KCNAB1: variants seen among roughly 807,000 people sequenced by gnomAD.
KCNAB1 encodes potassium voltage-gated channel subfamily A regulatory beta subunit 1, also known as voltage-gated potassium channel subunit beta-1.
A neutral mutation model predicts 64.6 loss-of-function variants in KCNAB1; 35 were observed. The ratio of observed to expected loss-of-function variants is 0.54; its 90% CI spans 0.41 to 0.72. KCNAB1 has a LOEUF of 0.72. Among genes scored for constraint, KCNAB1 ranks in the 30% least tolerant of loss-of-function variants. The pLI, the probability that KCNAB1 is intolerant of heterozygous loss-of-function variation, is 0.00. For missense variants in KCNAB1, 401 were observed against 512.9 expected (o/e 0.78, Z 2.11); for synonymous variants, 177 against 183.8 (o/e 0.96, Z 0.30).
intron 1 of KCNAB1, among the ~76,000 whole-genome samples, chr3:156,268,356 G>A (rs1408661154): frequency 6.6e-6 from 1 of 152,108 alleles, no homozygotes; most frequent in African/African-American, 2.4e-5. Flanking sequence ...TCTCTTAAAT[G>A]TACTGATTTC....
intron 1 of KCNAB1, chr3:156,291,344 C>T (rs1026976893): frequency 1.0e-6 from 1 of 992,690 alleles, no homozygotes; most frequent in Non-Finnish European, 1.2e-6. Context: ...GGATGGAGAC[C>T]ACCAGTCCGA....
At chr3:156,293,274 A>G (rs940652347) in intron 1 of KCNAB1, among the ~76,000 whole-genome samples, 12 of 152,348 alleles carry the variant, frequency 7.9e-5, no homozygotes, top group Non-Finnish European at 1.6e-4. Context: ...TGTAGAGGAG[A>G]GAAGCTACCA....
chr3:156,488,295 T>TAAA (rs63550661), intron 8 of KCNAB1, among the ~76,000 whole-genome samples: 1 of 140,856 alleles, frequency 7.1e-6, no homozygotes, highest in African/African-American at 2.5e-5. Context: ...ATGGGTGCTA[T>TAAA]AAAAAAAAAA....
chr3:156,136,251 TAGTTACATCAAATA>T (rs768945788), intron 1 of KCNAB1, among the ~76,000 whole-genome samples: 1 of 152,246 alleles, frequency 6.6e-6, no homozygotes, highest in Non-Finnish European at 1.5e-5. Flanking sequence ...TATTCTGTAC[TAGTTACATCAAATA>T]CAATATTTCT....
At chr3:156,407,174 C>T (rs1714304940) in intron 1 of KCNAB1, among the ~76,000 whole-genome samples, 1 of 152,296 alleles carries the variant, frequency 6.6e-6, no homozygotes, top group South Asian at 2.1e-4. Context: ...TCATCTGGTC[C>T]TGCTCTCTCC....
intron 1 of KCNAB1, among the ~76,000 whole-genome samples, chr3:156,394,603 A>AT (rs1235483390): frequency 6.6e-6 from 1 of 150,488 alleles, no homozygotes; most frequent in Non-Finnish European, 1.5e-5. Context: ...GAAAAAAAAA[A>AT]GAATGTTTGA....
At chr3:156,155,635 G>A (rs1715670798) in intron 1 of KCNAB1, among the ~76,000 whole-genome samples, 1 of 152,154 alleles carries the variant, frequency 6.6e-6, no homozygotes, top group South Asian at 2.1e-4. Flanking sequence ...GTGAAAGTCT[G>A]TAGAAAGAAA....
At chr3:156,313,382 T>C in intron 1 of KCNAB1, among the ~76,000 whole-genome samples, 1 of 152,152 alleles carries the variant, frequency 6.6e-6, no homozygotes, top group Non-Finnish European at 1.5e-5. Flanking sequence ...GCAGATGGGA[T>C]TAAATTTAGG....
intron 1 of KCNAB1, among the ~76,000 whole-genome samples, chr3:156,220,824 T>G (rs1342511790): frequency 1.3e-5 from 2 of 152,210 alleles, no homozygotes; most frequent in African/African-American, 4.8e-5. Flanking sequence ...TGCCTAGGTT[T>G]TCTTCTAGGG....
intron 1 of KCNAB1, among the ~76,000 whole-genome samples, chr3:156,372,632 A>C (rs1258492619): frequency 6.6e-6 from 1 of 152,224 alleles, no homozygotes; most frequent in African/African-American, 2.4e-5. Context: ...GCAAACACTC[A>C]GTAGGTGTGA....
intron 1 of KCNAB1, among the ~76,000 whole-genome samples, chr3:156,377,884 G>A (rs374619824): frequency 6.6e-6 from 1 of 151,928 alleles, no homozygotes; most frequent in Non-Finnish European, 1.5e-5. Context: ...TATTTTTATG[G>A]GTTGCCTCAA....
Position 156,410,026 on chromosome 3 carries a change from T to G in KCNAB1, c.276-11590T>G, listed in dbSNP as rs141061668. On this transcript the variant is annotated intron_variant, in intron 1 of 13. Coordinates refer to ENST00000490337, the MANE Select transcript of KCNAB1 (RefSeq NM_172160.3). ...AGCTACTGAGTAAGCATGTGCTGGA[T>G]TAGAAAAGAAAACAAACAAAAAACA... Among the ~76,000 whole-genome samples, 630 of 152,282 alleles carry G rather than the reference T, an allele frequency of 4.1e-3. 3 individuals carry two copies. Among genetic ancestry groups the G allele is most frequent in the African/African-American group, 0.014 (599 of 41,544 alleles).
Position 156,391,869 on chromosome 3 carries a change from CATT to C in KCNAB1, c.276-29742_276-29740del, listed in dbSNP as rs577108512. ...GGCACATGGGAGAAAAAGAGATCAT[CATT>C]ATTAACTAGTATTTCAGCCTCTGTA... is the stretch of plus-strand genomic sequence containing the variant. On this transcript the variant is annotated intron_variant, in intron 1 of 13. Coordinates refer to ENST00000490337, the MANE Select transcript of KCNAB1 (RefSeq NM_172160.3). 2.7e-3 allele frequency among the ~76,000 whole-genome samples: 410 copies of C among 152,262 alleles called. 1 individual carries two copies. Among genetic ancestry groups the C allele is most frequent in the African/African-American group, 9.5e-3 (393 of 41,528 alleles).
chr3:156,189,478 T>C (rs1440502023), intron 1 of KCNAB1, among the ~76,000 whole-genome samples: 2 of 152,210 alleles, frequency 1.3e-5, no homozygotes. Flanking sequence ...GTGTGTGCTA[T>C]ATCACATTGC....
At chr3:156,262,392 A>T (rs986933305) in intron 1 of KCNAB1, among the ~76,000 whole-genome samples, 1 of 151,890 alleles carries the variant, frequency 6.6e-6, no homozygotes. Flanking sequence ...GGAAAGTTTT[A>T]TCATGAATAG....
intron 1 of KCNAB1, among the ~76,000 whole-genome samples, chr3:156,394,261 T>C (rs1713261466): frequency 6.6e-6 from 1 of 152,200 alleles, no homozygotes; most frequent in Non-Finnish European, 1.5e-5. Context: ...TCCCCTAGAA[T>C]ATCCTAGAAT....
At chr3:156,300,399 C>G (rs1343116474) in intron 1 of KCNAB1, among the ~76,000 whole-genome samples, 2 of 152,180 alleles carry the variant, frequency 1.3e-5, no homozygotes, top group Non-Finnish European at 2.9e-5. Context: ...ACGATACCAG[C>G]AGTTTTCTCC....
At chr3:156,231,024 T>G (rs1716488055) in intron 1 of KCNAB1, among the ~76,000 whole-genome samples, 1 of 152,164 alleles carries the variant, frequency 6.6e-6, no homozygotes, top group Non-Finnish European at 1.5e-5. Flanking sequence ...GTTGATGATT[T>G]GGGGTATGAT....
Position 156,538,472 on chromosome 3 carries a change from T to G in KCNAB1, c.*1725T>G, listed in dbSNP as rs1287146698. 1 of 152,250 alleles carries G rather than the reference T, an allele frequency of 6.6e-6. No homozygotes were observed. Among genetic ancestry groups the G allele is most frequent in the Non-Finnish European group, 1.5e-5 (1 of 68,030 alleles). 9.4% of individuals were successfully genotyped at this position (152,250 alleles called of 1,614,324 possible). ...TCAGAATGATGGAAATTGATCATTT[T>G]CAGTTGTTCATTGTGTATTCAATCC... On this transcript the variant is annotated 3_prime_UTR_variant, in exon 14 of 14. Coordinates refer to ENST00000490337, the MANE Select transcript of KCNAB1 (RefSeq NM_172160.3).
Sources: gnomAD v4.1 joint callset for allele counts (sites outside exome capture counted in the v4.1 genomes callset) on GRCh38, gnomAD v4.1.1 for gene constraint, MANE v1.5 for transcripts, NCBI Gene and HGNC (gene_info 2026-07-23, HGNC 2026-07-21) for gene names.